The following MAD1L1 variants were observed in gnomAD, a reference collection of about 807,000 sequenced individuals.
The protein encoded by MAD1L1 is mitotic spindle assembly checkpoint protein MAD1.
MAD1L1 carries 95 observed loss-of-function variants against 96.9 expected under a neutral mutation model. The observed-to-expected ratio is 0.98, with a 90% CI of 0.83 to 1.16. MAD1L1 has a LOEUF of 1.16. Ranked by LOEUF, MAD1L1 falls within the 50% of genes most tolerant of loss-of-function variation. MAD1L1 has a pLI of 0.00. For missense variants in MAD1L1, 1,007 were observed against 954.4 expected, an observed-to-expected ratio of 1.06 and a Z score of -0.73; for synonymous variants, 473 against 396.6, an observed-to-expected ratio of 1.19 and a Z score of -2.29.
At chr7:2,064,813 A>G (rs1015627708) in intron 12 of MAD1L1, among the ~76,000 whole-genome samples, 4,552 of 75,866 alleles carry the variant, frequency 0.06, 149 homozygotes, top group South Asian at 0.17. Flanking sequence ...CTCCCAGGAC[A>G]GCGGCTTCTC....
intron 14 of MAD1L1, among the ~76,000 whole-genome samples, chr7:1,990,699 G>C (rs1018345829): frequency 1.3e-5 from 2 of 152,236 alleles, no homozygotes; most frequent in African/African-American, 4.8e-5. Context: ...AGCGTGCCCA[G>C]GGCCGCCACT....
chr7:2,052,758 C>T (rs1290756714), intron 12 of MAD1L1, among the ~76,000 whole-genome samples: 2 of 152,310 alleles, frequency 1.3e-5, no homozygotes, highest in East Asian at 1.9e-4. Context: ...GACACAGCTA[C>T]GGCAGCTGGC....
At chr7:1,960,250 G>GA (rs55800455) in intron 15 of MAD1L1, among the ~76,000 whole-genome samples, 18,345 of 128,634 alleles carry the variant, frequency 0.14, 2,098 homozygotes, top group African/African-American at 0.33. Context: ...AAGGTAAAAA[G>GA]AAAAAAAAAA....
At chr7:2,008,960 T>C (rs1033413399) in intron 13 of MAD1L1, among the ~76,000 whole-genome samples, 3 of 152,140 alleles carry the variant, frequency 2.0e-5, no homozygotes, top group Non-Finnish European at 4.4e-5. Flanking sequence ...GTGCGGAGGC[T>C]GTGGGGAGAG....
intron 12 of MAD1L1, among the ~76,000 whole-genome samples, chr7:2,029,432 G>A (rs931050925): frequency 7.2e-5 from 11 of 152,138 alleles, no homozygotes; most frequent in African/African-American, 2.7e-4. Flanking sequence ...GTGAACTTGG[G>A]AGCCCTGGTG....
At chr7:2,007,048 C>T (rs892735718) in intron 13 of MAD1L1, among the ~76,000 whole-genome samples, 3 of 151,930 alleles carry the variant, frequency 2.0e-5, no homozygotes, top group Non-Finnish European at 4.4e-5. Context: ...AGCAGGCCTG[C>T]TGGGTGAGGA....
At chr7:1,873,545 C>G (rs1785220071) in intron 18 of MAD1L1, among the ~76,000 whole-genome samples, 1 of 151,374 alleles carries the variant, frequency 6.6e-6, no homozygotes, top group Non-Finnish European at 1.5e-5. Context: ...AGCACCTGGG[C>G]TCTCTACGGA....
chr7:2,050,048 G>A (rs1584189631), intron 12 of MAD1L1, among the ~76,000 whole-genome samples: 1 of 121,438 alleles, frequency 8.2e-6, no homozygotes, highest in Admixed American at 8.3e-5. Context: ...ACCTCACCCA[G>A]CGTCTGCGGG....
intron 11 of MAD1L1, among the ~76,000 whole-genome samples, chr7:2,136,417 G>C (rs562958340): frequency 4.3e-4 from 66 of 152,328 alleles, no homozygotes; most frequent in African/African-American, 1.5e-3. Flanking sequence ...CCAGGGCAGG[G>C]GGACACGTGT....
At chr7:2,201,998 G>A (rs1792332872) in intron 10 of MAD1L1, 1 of 152,338 alleles carries the variant, frequency 6.6e-6, no homozygotes. Flanking sequence ...GCTCTCTGCT[G>A]GCCTTGCTTT....
intron 18 of MAD1L1, chr7:1,849,353 C>G (rs937833881): frequency 1.3e-5 from 2 of 152,238 alleles, no homozygotes; most frequent in Non-Finnish European, 2.9e-5. Context: ...CCTACGGTTC[C>G]TTATTTTCAC....
chr7:2,095,349 G>A (rs1029517659), intron 11 of MAD1L1, among the ~76,000 whole-genome samples: 1 of 152,082 alleles, frequency 6.6e-6, no homozygotes, highest in Non-Finnish European at 1.5e-5. Context: ...CAGCCTGCAA[G>A]AAATATTTTA....
intron 17 of MAD1L1, among the ~76,000 whole-genome samples, chr7:1,915,774 A>T (rs1788348902): frequency 6.6e-6 from 1 of 152,204 alleles, no homozygotes; most frequent in South Asian, 2.1e-4. Context: ...AGACAGTGAG[A>T]TGTGGACCTC....
At chr7:2,141,387 T>TCAGGCCCAGCAGCCAGCTG (rs1789024137) in intron 11 of MAD1L1, among the ~76,000 whole-genome samples, 2 of 152,196 alleles carry the variant, frequency 1.3e-5, no homozygotes, top group South Asian at 4.1e-4. Flanking sequence ...GGGCTCGATC[T>TCAGGCCCAGCAGCCAGCTG]CAGGCCCAGC....
At chr7:1,906,580 A>G (rs1787645742) in intron 17 of MAD1L1, among the ~76,000 whole-genome samples, 2 of 152,184 alleles carry the variant, frequency 1.3e-5, no homozygotes, top group African/African-American at 4.8e-5. Flanking sequence ...TGGCGTCCAC[A>G]GAGCTGTTTG....
intron 10 of MAD1L1, among the ~76,000 whole-genome samples, chr7:2,150,387 C>G (rs370427103): frequency 6.6e-6 from 1 of 152,164 alleles, no homozygotes; most frequent in African/African-American, 2.4e-5. Context: ...CTGGGCCCGA[C>G]CAGACTCTGC....
At chr7:1,844,091 C>T (rs534679380) in intron 18 of MAD1L1, 19 of 154,608 alleles carry the variant, frequency 1.2e-4, no homozygotes, top group Admixed American at 3.9e-4. Flanking sequence ...ACTAAAAATC[C>T]CCACAACTCC....
intron 12 of MAD1L1, among the ~76,000 whole-genome samples, chr7:2,063,821 A>G (rs1267521901): frequency 1.3e-5 from 2 of 152,170 alleles, no homozygotes; most frequent in African/African-American, 4.8e-5. Context: ...TCTGACCCTG[A>G]GCACCTGTGG....
rs187687809 is a variant in MAD1L1 at position 2,146,848 on chromosome 7, C to T, written c.1073+2304G>A. Reference sequence around the variant, plus strand: ...AACCGTGCGAGGCTCCCTGACCCCGCCACGGCAGGCCGCGACGAACACGGT... The same window carrying T: ...AACCGTGCGAGGCTCCCTGACCCCGTCACGGCAGGCCGCGACGAACACGGT... On this transcript the variant is annotated intron_variant, in intron 11 of 18. Transcript: ENST00000265854. This position sits in a 1 kb window ranked among gnomAD's most constrained non-coding sequence, Gnocchi z 6.2. Among the ~76,000 whole-genome samples, 96 of 152,312 alleles carry T rather than the reference C, an allele frequency of 6.3e-4. 1 individual carries two copies. The highest frequency in any genetic ancestry group is 1.3e-4 in the Non-Finnish European group (9 of 68,022).
Sources: gnomAD v4.1 joint callset for allele counts (sites outside exome capture counted in the v4.1 genomes callset) on GRCh38, gnomAD v4.1.1 for gene constraint, Gnocchi (gnomAD v3.1) non-coding constraint, MANE v1.5 for transcripts, NCBI Gene and HGNC (gene_info 2026-07-23, HGNC 2026-07-21) for gene names.